TTC39C: variants seen among roughly 807,000 people sequenced by gnomAD.
TTC39C encodes tetratricopeptide repeat protein 39C.
TTC39C carries 33 observed loss-of-function variants against 76.3 expected under a neutral mutation model. The ratio of observed to expected loss-of-function variants is 0.43; its 90% CI spans 0.33 to 0.58. The LOEUF is 0.58. Ranked by LOEUF, TTC39C falls within the 20% of genes least tolerant of loss-of-function variation. The pLI is 0.04. For synonymous variants in TTC39C, 254 were observed against 260.6 expected (o/e 0.97, Z 0.24); for missense variants, 595 against 701.4 (o/e 0.85, Z 1.71).
chr18:24,023,246 C>T (rs573746874), intron 1 of TTC39C, among the ~76,000 whole-genome samples: 1 of 152,288 alleles, frequency 6.6e-6, no homozygotes, highest in East Asian at 1.9e-4. Context: ...CAGACAGGCC[C>T]TAATATTGAT....
intron 1 of TTC39C, among the ~76,000 whole-genome samples, chr18:24,008,150 A>G (rs1007435890): frequency 6.6e-6 from 1 of 152,194 alleles, no homozygotes; most frequent in African/African-American, 2.4e-5. Flanking sequence ...CTCTGAGTCC[A>G]ACTCATCCCC....
At chr18:24,095,309 T>C (rs1430293369) in intron 6 of TTC39C, among the ~76,000 whole-genome samples, 1 of 152,266 alleles carries the variant, frequency 6.6e-6, no homozygotes, top group Non-Finnish European at 1.5e-5. Context: ...TTTGATCTTC[T>C]ATCCAGACCA....
chr18:24,120,924 CATCCATTCATTCATT>C (rs1257205248), intron 8 of TTC39C: 2 of 152,146 alleles, frequency 1.3e-5, no homozygotes, highest in African/African-American at 4.8e-5. Context: ...GCACATTGTT[CATCCATTCATTCATT>C]GATGGACATT....
At chr18:24,083,689 GC>G (rs1458973004) in intron 6 of TTC39C, among the ~76,000 whole-genome samples, 1 of 152,202 alleles carries the variant, frequency 6.6e-6, no homozygotes, top group Non-Finnish European at 1.5e-5. Context: ...AACTTCCTGT[GC>G]TTGCCCAGTG....
At chr18:24,113,549 C>A (rs1359581229) in intron 6 of TTC39C, 3 of 701,634 alleles carry the variant, frequency 4.3e-6, no homozygotes, top group Non-Finnish European at 7.8e-6. Context: ...AGTCCACCTC[C>A]CTGCAAGTGT....
Position 24,082,957 on chromosome 18 carries a change from C to T in TTC39C, c.860C>T (p.Ala287Val). 1.9e-6 allele frequency: 3 copies of T among 1,612,180 alleles called. No homozygotes were observed. Among genetic ancestry groups the T allele is most frequent in the Non-Finnish European group, 2.5e-6 (3 of 1,179,300 alleles). ...CATACTGTAGTCCGCCCGTTTTTTG[C>T]CTTGGATGGCAGTGATAACAAGGCA... ...WYHTVVRPFFALDGSDNKAGL... is the reference protein window; with the variant it reads ...WYHTVVRPFFVLDGSDNKAGL... The change falls in exon 6 of 14, where the codon GCC (alanine) becomes GTC (valine). Residue 287 changes from alanine (A) to valine (V), a missense_variant. By Grantham distance (64) the Ala-to-Val change is moderately conservative. Coordinates refer to ENST00000317571, the MANE Select transcript of TTC39C (RefSeq NM_001135993.2).
chr18:24,026,041 T>C (rs1401306886), intron 1 of TTC39C, among the ~76,000 whole-genome samples: 1 of 152,176 alleles, frequency 6.6e-6, no homozygotes, highest in Non-Finnish European at 1.5e-5. Flanking sequence ...ACACATTGCT[T>C]CTAGAGCCCA....
chr18:24,116,819 G>GTTTTTTTTT (rs767138108), intron 7 of TTC39C, among the ~76,000 whole-genome samples: 2 of 95,070 alleles, frequency 2.1e-5, no homozygotes, highest in Non-Finnish European at 3.9e-5. Context: ...TGATACCTTA[G>GTTTTTTTTT]TTTTTTTTTT....
chr18:24,091,925 T>TAA (rs546936685), intron 6 of TTC39C, among the ~76,000 whole-genome samples: 1 of 148,574 alleles, frequency 6.7e-6, no homozygotes, highest in African/African-American at 2.5e-5. Context: ...CTGTCTCTAC[T>TAA]AAAAAAAAAT....
At chr18:24,007,977 A>C (rs535122383) in intron 1 of TTC39C, among the ~76,000 whole-genome samples, 5 of 152,348 alleles carry the variant, frequency 3.3e-5, no homozygotes, top group Admixed American at 6.5e-5. Flanking sequence ...CGTGCCCACT[A>C]TCTCATTTAC....
chr18:24,128,859 G>GCT, intron 10 of TTC39C, 27 bp from the exon 11 acceptor site: 1 of 1,580,810 alleles, frequency 6.3e-7, no homozygotes, highest in Non-Finnish European at 8.7e-7. Context: ...TTTGCTTACT[G>GCT]CTCTGTTCAC....
At chr18:24,113,448 G>T (rs1025981340) in intron 6 of TTC39C, 7 of 619,094 alleles carry the variant, frequency 1.1e-5, no homozygotes, top group African/African-American at 1.1e-4. Flanking sequence ...CACCTGGCTG[G>T]CTGTGGGGAT....
chr18:24,091,143 C>A (rs1006276770), intron 6 of TTC39C, among the ~76,000 whole-genome samples: 2 of 152,222 alleles, frequency 1.3e-5, no homozygotes, highest in Non-Finnish European at 2.9e-5. Flanking sequence ...CATCAAGACA[C>A]GTCAGTGGGC....
In TTC39C at chr18:24,124,924, C is replaced by G. The variant is rs776600846; in HGVS notation, c.1297-503C>G. 1.8e-4 allele frequency among the ~76,000 whole-genome samples: 27 copies of G among 152,298 alleles called. 1 individual carries two copies. In the Middle Eastern group the frequency reaches 0.01, roughly 58 times the overall value. On this transcript the variant is annotated intron_variant, in intron 9 of 13. Transcript: ENST00000317571. The stretch of plus-strand genomic sequence containing the variant: ...TTTTTGTTTTTGAGACGGAGTTTTG[C>G]TCTCATTGCTCAGGCTGGAGTGCAA...
intron 1 of TTC39C, among the ~76,000 whole-genome samples, chr18:24,062,157 C>A (rs1214826845): frequency 2.0e-5 from 3 of 152,158 alleles, no homozygotes; most frequent in Admixed American, 6.5e-5. Context: ...AGGTTAGGTA[C>A]CATGAATAAT....
intron 6 of TTC39C, among the ~76,000 whole-genome samples, chr18:24,099,039 A>ATATG (rs1360633204): frequency 5.3e-5 from 7 of 132,758 alleles, no homozygotes; most frequent in Non-Finnish European, 1.1e-4. Flanking sequence ...GTGTGTGTAT[A>ATATG]TATATATCTA....
At position 24,069,171 on chromosome 18, in the gene TTC39C, A is replaced by G; in HGVS notation, c.360A>G (p.Lys120=). 6.2e-7 allele frequency: 1 copy of G among 1,613,744 alleles called. No homozygotes were observed. Among genetic ancestry groups the G allele is most frequent in the Non-Finnish European group, 8.5e-7 (1 of 1,179,680 alleles). Residue 120 remains lysine, a synonymous_variant, in exon 4 of 14, where the codon AAA becomes AAG. Coordinates refer to ENST00000317571, the MANE Select transcript of TTC39C (RefSeq NM_001135993.2). ...NKIKKNVDVR[K]SAPSMVDRLQ... is the part of the protein sequence containing the mutation. The stretch of plus-strand genomic sequence containing the variant: ...CTGCCAAACAGGTTGATGTCCGAAA[A>G]TCCGCCCCCTCTATGGTTGATCGGC...
chr18:24,064,059 T>C, intron 1 of TTC39C, 81 bp from the exon 2 acceptor site: 1 of 1,573,636 alleles, frequency 6.4e-7, no homozygotes, highest in Non-Finnish European at 8.7e-7. Context: ...ATGGTAATCA[T>C]GATATGTCAA....
chr18:23,993,772 T>C (rs2083238384), intron 1 of TTC39C, among the ~76,000 whole-genome samples: 2 of 152,200 alleles, frequency 1.3e-5, no homozygotes, highest in African/African-American at 2.4e-5. Flanking sequence ...TGAAAATCTA[T>C]GAAAAAAATT....
Sources: allele counts gnomAD v4.1 joint callset (sites outside exome capture counted in the v4.1 genomes callset), GRCh38; gene constraint gnomAD v4.1.1; transcripts MANE v1.5; gene names NCBI Gene and HGNC (gene_info 2026-07-23, HGNC 2026-07-21).